UBXN4: variants seen among roughly 807,000 people sequenced by gnomAD.
The protein encoded by UBXN4 is UBX domain protein 4.
Under a neutral mutation model 66.2 loss-of-function variants are expected in UBXN4, and 35 were observed. The ratio of observed to expected loss-of-function variants is 0.53; its 90% CI spans 0.40 to 0.70. The LOEUF is 0.70. UBXN4 is among the 30% of genes least tolerant of loss of function. UBXN4 has a pLI of 0.00. For synonymous variants in UBXN4, 203 were observed against 204.5 expected (o/e 0.99, Z 0.06); for missense variants, 533 against 599.8 (o/e 0.89, Z 1.16).
intron 1 of UBXN4, among the ~76,000 whole-genome samples, chr2:135,746,605 A>G (rs1330847358): frequency 1.3e-5 from 2 of 152,338 alleles, no homozygotes; most frequent in Admixed American, 6.5e-5. Context: ...ATATTTGAGC[A>G]AAGTTTTAAG....
At position 135,782,952 on chromosome 2, in the gene UBXN4, A is replaced by G. The variant is rs1043938898; in HGVS notation, c.*65A>G. On this transcript the variant is annotated 3_prime_UTR_variant, in exon 13 of 13. Coordinates refer to ENST00000272638, the MANE Select transcript of UBXN4 (RefSeq NM_014607.4). Reference sequence around the variant, plus strand: ...TATGATTTAATTCAACTAAAATTCTACTGGAGAAGTGGGACTGCTTTATAT... The same window carrying G: ...TATGATTTAATTCAACTAAAATTCTGCTGGAGAAGTGGGACTGCTTTATAT... The G allele has an allele frequency of 3.8e-5, 58 of 1,527,702 alleles. No homozygotes were observed. Among genetic ancestry groups the G allele is most frequent in the Non-Finnish European group, 4.7e-5 (53 of 1,127,646 alleles). 94.6% of individuals were successfully genotyped at this position (1,527,702 alleles called of 1,614,324 possible).
chr2:135,756,429 T>G (rs1334348021), intron 5 of UBXN4, among the ~76,000 whole-genome samples: 3 of 152,194 alleles, frequency 2.0e-5, no homozygotes, highest in Admixed American at 6.5e-5. Flanking sequence ...GAAAGAGTCT[T>G]CCTTATATTG....
In UBXN4 at chr2:135,783,055, A is replaced by G; in HGVS notation, c.*168A>G. On this transcript the variant is annotated 3_prime_UTR_variant, in exon 13 of 13. Coordinates refer to ENST00000272638, the MANE Select transcript of UBXN4 (RefSeq NM_014607.4). The stretch of plus-strand genomic sequence containing the variant: ...TGAAGGTGTTTAACTCAGAAAAGTA[A>G]AGACAGGAAATAACTCTCTGCTAGG... 3.0e-6 allele frequency: 2 copies of G among 665,472 alleles called. No homozygotes were observed. The highest frequency in any genetic ancestry group is 2.4e-6 in the Non-Finnish European group (1 of 417,548). The allele number at this position is 665,472 out of a possible 1,614,324, so 41.2% of individuals were successfully genotyped here.
Position 135,772,813 on chromosome 2 carries a change from C to T in UBXN4, c.950+266C>T, listed in dbSNP as rs894256238. ...CAGCACTTTGGGAGGCCGAGACGGG[C>T]GGATCACGAGGTCAGGAGATCGAGA... On this transcript the variant is annotated intron_variant, in intron 9 of 12. Coordinates refer to ENST00000272638, the MANE Select transcript of UBXN4 (RefSeq NM_014607.4). 3.3e-5 allele frequency among the ~76,000 whole-genome samples: 5 copies of T among 151,502 alleles called. No homozygotes were observed. The highest frequency in any genetic ancestry group is 1.2e-4 in the African/African-American group (5 of 41,230).
At chr2:135,744,830 A>C (rs931770649) in intron 1 of UBXN4, among the ~76,000 whole-genome samples, 5 of 152,216 alleles carry the variant, frequency 3.3e-5, no homozygotes, top group African/African-American at 1.2e-4. Flanking sequence ...GTTAGCAATC[A>C]GTCATCCCAC....
intron 6 of UBXN4, among the ~76,000 whole-genome samples, chr2:135,762,803 G>C (rs966677772): frequency 6.6e-6 from 1 of 151,930 alleles, no homozygotes; most frequent in Non-Finnish European, 1.5e-5. Context: ...AGTTCCCAAG[G>C]GTTCATCCTG....
chr2:135,750,118 T>C (rs1008004715), intron 2 of UBXN4, among the ~76,000 whole-genome samples: 2 of 152,224 alleles, frequency 1.3e-5, no homozygotes, highest in Admixed American at 6.5e-5. Flanking sequence ...CAGCTATCAG[T>C]GATCATTACC....
chr2:135,754,049 T>G (rs1398770544), intron 3 of UBXN4, 110 bp from the exon 4 acceptor site: 3 of 776,632 alleles, frequency 3.9e-6, no homozygotes, highest in Non-Finnish European at 6.4e-6. Flanking sequence ...AAATGTTAGA[T>G]TATATTGTGA....
At chr2:135,771,725 G>C (rs1449209902) in intron 8 of UBXN4, among the ~76,000 whole-genome samples, 2 of 152,122 alleles carry the variant, frequency 1.3e-5, no homozygotes. Context: ...AACATGCCCA[G>C]CTAATTTTTG....
chr2:135,750,324 G>T (rs1266696673), intron 2 of UBXN4, among the ~76,000 whole-genome samples: 1 of 151,940 alleles, frequency 6.6e-6, no homozygotes, highest in East Asian at 1.9e-4. Flanking sequence ...CTGTCTTTTT[G>T]ATATTGATAC....
chr2:135,772,658 AG>A lies in UBXN4; in HGVS notation c.950+114del. ...TGTGGTTATAAGCAGTCCATTCCAGAGGGACATATTAATTTGACAGCTCCCA... is the reference window on the plus strand; with the variant it reads ...TGTGGTTATAAGCAGTCCATTCCAGAGGACATATTAATTTGACAGCTCCCA... On this transcript the variant is annotated intron_variant, in intron 9 of 12. Transcript: ENST00000272638. The A allele has an allele frequency of 3.7e-6, 5 of 1,359,030 alleles. No homozygotes were observed. The South Asian group carries it at 6.9e-5, about 19-fold the overall frequency. The allele number at this position is 1,359,030 out of a possible 1,614,324, so 84.2% of individuals were successfully genotyped here. A position where few individuals can be genotyped will look rare whatever the true frequency, so the allele number is the denominator to read the frequency against.
chr2:135,755,402 G>A, intron 4 of UBXN4, 115 bp from the exon 5 acceptor site: 4 of 748,246 alleles, frequency 5.3e-6, no homozygotes, highest in Admixed American at 4.2e-5. Context: ...CTATTTATGA[G>A]CATTTCGTAT....
At chr2:135,773,609 T>C (rs112871746) in intron 9 of UBXN4, among the ~76,000 whole-genome samples, 2 of 152,222 alleles carry the variant, frequency 1.3e-5, no homozygotes, top group African/African-American at 2.4e-5. Context: ...GAATGACACA[T>C]AGCAGGGTAA....
intron 5 of UBXN4, among the ~76,000 whole-genome samples, chr2:135,760,840 C>A (rs1336398496): frequency 6.6e-6 from 1 of 152,122 alleles, no homozygotes; most frequent in Non-Finnish European, 1.5e-5. Context: ...TTGCTAATTT[C>A]CCAGGTGTAA....
At position 135,776,272 on chromosome 2, in the gene UBXN4, G is replaced by A. The variant is rs1413395607; in HGVS notation, c.974G>A (p.Arg325His). ...ERSTVARIQF[R>H]LPDGSSFTNQ... ...AGCACTGTTGCAAGAATTCAATTCC[G>A]TCTTCCTGATGGTTCTTCCTTTACA... Residue 325 changes from arginine to histidine, a missense_variant, in exon 10 of 13, where the codon CGT becomes CAT. Around this residue, in one of 2 missense-constraint regions of UBXN4, gnomAD observed 529 missense variants for 580.1 expected, o/e 0.91. Transcript: ENST00000272638. The A allele has an allele frequency of 4.3e-6, 7 of 1,613,768 alleles. No homozygotes were observed. Among genetic ancestry groups the A allele is most frequent in the Non-Finnish European group, 5.9e-6 (7 of 1,179,874 alleles).
intron 6 of UBXN4, among the ~76,000 whole-genome samples, chr2:135,764,967 C>T (rs1156874043): frequency 6.6e-6 from 1 of 152,036 alleles, no homozygotes; most frequent in East Asian, 1.9e-4. Context: ...GTATGCGCCA[C>T]CATGACTGGC....
chr2:135,760,870 T>C (rs2077310968), intron 5 of UBXN4, among the ~76,000 whole-genome samples: 1 of 152,178 alleles, frequency 6.6e-6, no homozygotes, highest in African/African-American at 2.4e-5. Flanking sequence ...CTTTGTTGAT[T>C]TCAAGCTACC....
intron 2 of UBXN4, among the ~76,000 whole-genome samples, chr2:135,752,335 C>T (rs1181278460): frequency 6.6e-6 from 1 of 152,220 alleles, no homozygotes; most frequent in Non-Finnish European, 1.5e-5. Flanking sequence ...GCGTGAGCCA[C>T]CACGCCAGGC....
In UBXN4 at chr2:135,780,212, C is replaced by T. The variant is rs1267976139; in HGVS notation, c.1215C>T (p.His405=). The T allele has an allele frequency of 1.9e-6, 3 of 1,614,122 alleles. No homozygotes were observed. The Admixed American group carries it at 5.0e-5, about 27-fold the overall frequency. ...PAGRPTASIV[H]SSSGDIWTLL... ...GAAGACCAACTGCATCCATTGTACA[C>T]TCTTCCAGCGGAGACATTTGGACCT... Residue 405 remains histidine (H), a synonymous_variant, in exon 12 of 13, where the codon CAC becomes CAT. Coordinates refer to ENST00000272638, the MANE Select transcript of UBXN4 (RefSeq NM_014607.4).
Sources: allele counts gnomAD v4.1 joint callset (sites outside exome capture counted in the v4.1 genomes callset), GRCh38; gene constraint gnomAD v4.1.1; regional missense constraint gnomAD v4.1.1; transcripts MANE v1.5; gene names NCBI Gene and HGNC (gene_info 2026-07-23, HGNC 2026-07-21).